The following ROBO2 variants were observed in gnomAD, a reference collection of about 807,000 sequenced individuals.
The protein encoded by ROBO2 is roundabout guidance receptor 2.
ROBO2 carries 53 observed loss-of-function variants against 160.8 expected under a neutral mutation model. The ratio of observed to expected loss-of-function variants is 0.33; its 90% CI spans 0.26 to 0.41. The LOEUF (loss-of-function observed/expected upper bound fraction) is 0.41. Among genes scored for constraint, ROBO2 ranks in the 10% least tolerant of loss-of-function variants. ROBO2 has a pLI of 1.00. For synonymous variants in ROBO2, 664 were observed against 611.7 expected, an observed-to-expected ratio of 1.09 and a Z score of -1.26; for missense variants, 1,577 against 1,722.4, an observed-to-expected ratio of 0.92 and a Z score of 1.49.
intron 2 of ROBO2, among the ~76,000 whole-genome samples, chr3:76,557,081 G>A (rs539873732): frequency 1.3e-5 from 2 of 151,838 alleles, no homozygotes; most frequent in Non-Finnish European, 2.9e-5. Flanking sequence ...CTTTTTCACT[G>A]ATTATTTTAT....
At chr3:76,457,754 G>A (rs113871872) in intron 2 of ROBO2, among the ~76,000 whole-genome samples, 3 of 152,176 alleles carry the variant, frequency 2.0e-5, no homozygotes, top group African/African-American at 7.2e-5. Context: ...TCTAGGCGGA[G>A]GTTCCCAAGC....
intron 2 of ROBO2, among the ~76,000 whole-genome samples, chr3:76,365,255 T>C (rs1386582943): frequency 3.3e-5 from 5 of 152,014 alleles, no homozygotes; most frequent in Non-Finnish European, 5.9e-5. Context: ...ACCTTATTCT[T>C]TATGGGCTTC....
At chr3:77,189,664 G>A (rs1363937648) in intron 2 of ROBO2, among the ~76,000 whole-genome samples, 5 of 151,950 alleles carry the variant, frequency 3.3e-5, no homozygotes, top group Admixed American at 1.3e-4. Flanking sequence ...ACATGTAAGC[G>A]GGTATATGAG....
At position 76,715,252 on chromosome 3, in the gene ROBO2, A is replaced by G. The variant is rs370177552; in HGVS notation, c.110-382762A>G. On this transcript the variant is annotated intron_variant, in intron 2 of 26. Transcript: ENST00000487694. The stretch of plus-strand genomic sequence containing the variant: ...GCTCAAATTCTAAGGAAAAAAGTTA[A>G]TAATCTTCCAGGTATTAATACTTCA... Among the ~76,000 whole-genome samples, 5 of 152,284 alleles carry G rather than the reference A, an allele frequency of 3.3e-5. No homozygotes were observed. In the South Asian group the frequency reaches 8.3e-4, roughly 25 times the overall value.
intron 6 of ROBO2, chr3:77,538,978 A>G (rs2092321071): frequency 4.8e-6 from 2 of 415,922 alleles, no homozygotes; most frequent in Admixed American, 5.3e-5. Flanking sequence ...GCAGTGGCAC[A>G]ACAATCTCGG....
At chr3:76,234,516 C>G (rs1245545690) in intron 2 of ROBO2, among the ~76,000 whole-genome samples, 1 of 152,128 alleles carries the variant, frequency 6.6e-6, no homozygotes, top group Non-Finnish European at 1.5e-5. Flanking sequence ...TAAAAGTGTT[C>G]CCTTCTCTCC....
At chr3:76,116,929 A>G (rs1176860811) in intron 2 of ROBO2, among the ~76,000 whole-genome samples, 1 of 152,132 alleles carries the variant, frequency 6.6e-6, no homozygotes, top group Non-Finnish European at 1.5e-5. Flanking sequence ...TAGCTAGTAG[A>G]TTTCTTCTCT....
intron 2 of ROBO2, among the ~76,000 whole-genome samples, chr3:76,543,479 T>C (rs2082925502): frequency 6.6e-6 from 1 of 152,126 alleles, no homozygotes; most frequent in African/African-American, 2.4e-5. Flanking sequence ...GAATCATCTC[T>C]TTTCCTTGTT....
chr3:77,469,456 A>G (rs1024152288), intron 2 of ROBO2, among the ~76,000 whole-genome samples: 5 of 152,080 alleles, frequency 3.3e-5, no homozygotes, highest in African/African-American at 7.2e-5. Context: ...GTCATTCCCT[A>G]TGGTAACTGG....
In ROBO2 at chr3:76,994,418, T is replaced by G. The variant is rs60525797; in HGVS notation, c.110-103596T>G. Among the ~76,000 whole-genome samples the G allele has an allele frequency of 4.5e-3, 686 of 152,262 alleles. 3 individuals carry two copies. The highest frequency in any genetic ancestry group is 0.016 in the African/African-American group (653 of 41,560). On this transcript the variant is annotated intron_variant, in intron 2 of 26. Transcript: ENST00000487694. ...CTGCATTGGGAAAGTTGGAAACTGC[T>G]TTTATTGGTTACTCTTTTCTTTGCT...
chr3:76,178,929 G>C (rs554266349), intron 2 of ROBO2, among the ~76,000 whole-genome samples: 1 of 151,948 alleles, frequency 6.6e-6, no homozygotes, highest in African/African-American at 2.4e-5. Context: ...AAACAAGAGC[G>C]AAACTCCATC....
At chr3:77,166,619 C>T (rs1446324706) in intron 2 of ROBO2, among the ~76,000 whole-genome samples, 2 of 152,090 alleles carry the variant, frequency 1.3e-5, no homozygotes, top group Admixed American at 6.5e-5. Context: ...GGTGCGGTGG[C>T]GCCATCTTGG....
At chr3:77,629,081 A>T (rs1182873504) in intron 23 of ROBO2, 1 of 152,252 alleles carries the variant, frequency 6.6e-6, no homozygotes, top group Non-Finnish European at 1.5e-5. Flanking sequence ...ACATACAAGG[A>T]GCATTAAAGG....
chr3:77,304,410 A>G (rs2062918572), intron 2 of ROBO2, among the ~76,000 whole-genome samples: 1 of 152,196 alleles, frequency 6.6e-6, no homozygotes, highest in Non-Finnish European at 1.5e-5. Flanking sequence ...AGAAAGGCAG[A>G]GTCAAATATG....
chr3:77,028,898 C>G (rs1037372796), intron 2 of ROBO2, among the ~76,000 whole-genome samples: 1 of 152,122 alleles, frequency 6.6e-6, no homozygotes, highest in African/African-American at 2.4e-5. Flanking sequence ...CTATATCCTT[C>G]TTTCTTTCCA....
intron 2 of ROBO2, among the ~76,000 whole-genome samples, chr3:76,998,077 T>C (rs1168350993): frequency 6.6e-6 from 1 of 152,126 alleles, no homozygotes; most frequent in Non-Finnish European, 1.5e-5. Flanking sequence ...CAAGACCAGC[T>C]CAGAATCCAG....
intron 2 of ROBO2, among the ~76,000 whole-genome samples, chr3:76,937,968 A>C (rs979450406): frequency 6.6e-6 from 1 of 152,208 alleles, no homozygotes; most frequent in South Asian, 2.1e-4. Context: ...CAAGTAAAAC[A>C]CCAGCATGGC....
exon 26 of ROBO2, chr3:77,649,372 T>A (rs1369047313): frequency 6.6e-6 from 1 of 152,184 alleles, no homozygotes; most frequent in Non-Finnish European, 1.5e-5. Flanking sequence ...TTCTATTCAA[T>A]AAACTTATGT....
chr3:76,763,170 G>A (rs914921513), intron 2 of ROBO2, among the ~76,000 whole-genome samples: 3 of 80,604 alleles, frequency 3.7e-5, no homozygotes, highest in South Asian at 4.8e-4. Flanking sequence ...CATCAATCAC[G>A]CACTAAAAGG....
Sources: gnomAD v4.1 joint callset for allele counts (sites outside exome capture counted in the v4.1 genomes callset) on GRCh38, gnomAD v4.1.1 for gene constraint, MANE v1.5 for transcripts, NCBI Gene and HGNC (gene_info 2026-07-23, HGNC 2026-07-21) for gene names.